Variants in ZFYVE9 observed in about 807,000 individuals in gnomAD.
The protein encoded by ZFYVE9 is zinc finger FYVE-type containing 9, also known as zinc finger FYVE domain-containing protein 9.
In ZFYVE9, 43 loss-of-function variants were observed where a neutral mutation model predicts 126.7. The ratio of observed to expected loss-of-function variants is 0.34; its 90% CI spans 0.27 to 0.44. The LOEUF is 0.44. Ranked by LOEUF, ZFYVE9 falls within the 20% of genes least tolerant of loss-of-function variation. The pLI, the probability that ZFYVE9 is intolerant of heterozygous loss-of-function variation, is 1.00. For synonymous variants in ZFYVE9, 521 were observed against 597.4 expected, an observed-to-expected ratio of 0.87 and a Z score of 1.87; for missense variants, 1,476 against 1,697.0, an observed-to-expected ratio of 0.87 and a Z score of 2.29.
At chr1:52,311,517 A>C (rs1301103855) in intron 13 of ZFYVE9, among the ~76,000 whole-genome samples, 1 of 152,040 alleles carries the variant, frequency 6.6e-6, no homozygotes, top group Non-Finnish European at 1.5e-5. Flanking sequence ...TGTCCGCCTC[A>C]GCCTCCCAAA....
At chr1:52,254,442 CA>C (rs1426800024) in intron 4 of ZFYVE9, among the ~76,000 whole-genome samples, 4 of 150,520 alleles carry the variant, frequency 2.7e-5, no homozygotes, top group Non-Finnish European at 5.9e-5. Flanking sequence ...TAAATCCTAG[CA>C]CTCTGGGAGG....
chr1:52,268,902 A>G (rs1033970999), intron 7 of ZFYVE9, among the ~76,000 whole-genome samples: 2 of 152,162 alleles, frequency 1.3e-5, no homozygotes, highest in African/African-American at 2.4e-5. Context: ...GCTGTGGGGA[A>G]TTCTGTCCCC....
intron 1 of ZFYVE9, among the ~76,000 whole-genome samples, chr1:52,164,724 A>C (rs1033690775): frequency 6.6e-6 from 1 of 152,216 alleles, no homozygotes; most frequent in African/African-American, 2.4e-5. Context: ...TTGAGGCAGA[A>C]AAGGAAATGA....
chr1:52,310,090 G>C (rs1283361340), intron 13 of ZFYVE9, among the ~76,000 whole-genome samples: 3 of 151,858 alleles, frequency 2.0e-5, no homozygotes, highest in African/African-American at 4.8e-5. Context: ...TCCCACCTCA[G>C]CCTCCTGAGT....
chr1:52,274,454 CT>C lies in ZFYVE9; in HGVS notation c.2626-6del. ...CTGTAGTGCTCACTTTGTTGATTTG[CT>C]TTTCCTAGACGGATATTTGTCTATT... On this transcript the variant is annotated splice_polypyrimidine_tract_variant and intron_variant, in intron 7 of 18. Transcript: ENST00000287727. The C allele has an allele frequency of 1.3e-6, 2 of 1,597,426 alleles. No homozygotes were observed. The highest frequency in any genetic ancestry group is 1.7e-6 in the Non-Finnish European group (2 of 1,168,670).
At chr1:52,217,420 C>G (rs924465761) in intron 2 of ZFYVE9, among the ~76,000 whole-genome samples, 1 of 152,200 alleles carries the variant, frequency 6.6e-6, no homozygotes, top group African/African-American at 2.4e-5. Flanking sequence ...ACAATTTCCC[C>G]TCTTCTGTCT....
chr1:52,300,644 G>C (rs76847021), intron 12 of ZFYVE9, among the ~76,000 whole-genome samples: 134 of 149,218 alleles, frequency 9.0e-4, no homozygotes, highest in African/African-American at 3.2e-3. Context: ...GCCATTTCCA[G>C]TGTTTTTCAT....
At chr1:52,163,989 T>C (rs1225195917) in intron 1 of ZFYVE9, among the ~76,000 whole-genome samples, 1 of 152,094 alleles carries the variant, frequency 6.6e-6, no homozygotes, top group Non-Finnish European at 1.5e-5. Flanking sequence ...GGTCTCACTG[T>C]TGCCCAGGCT....
chr1:52,266,589 T>C (rs1192987472), intron 5 of ZFYVE9, 66 bp from the exon 6 acceptor site: 9 of 1,365,038 alleles, frequency 6.6e-6, no homozygotes, highest in African/African-American at 1.5e-5. Flanking sequence ...TTATCCAATA[T>C]TGTGGAGGTC....
intron 1 of ZFYVE9, among the ~76,000 whole-genome samples, chr1:52,201,657 G>A (rs532092586): frequency 6.1e-4 from 93 of 152,018 alleles, no homozygotes; most frequent in African/African-American, 2.1e-3. Flanking sequence ...AGAATTACAG[G>A]CATGAGCCAC....
chr1:52,253,642 C>T lies in ZFYVE9; in HGVS notation c.2179-10131C>T, dbSNP rs75223458. The T allele has an allele frequency of 1.5e-3, 2,227 of 1,485,820 alleles. 28 individuals carry two copies. The African/African-American group carries it at 0.027, about 18-fold the overall frequency. 92.0% of individuals were successfully genotyped at this position (1,485,820 alleles called of 1,614,324 possible). A position where few individuals can be genotyped will look rare whatever the true frequency, so the allele number is the denominator to read the frequency against. The stretch of plus-strand genomic sequence containing the variant: ...AAAAATGACCACACCAAACAAGGCA[C>T]CTCCTGGTACTGACCCTGAGCAGTT... On this transcript the variant is annotated intron_variant, in intron 4 of 18. Transcript: ENST00000287727.
chr1:52,229,647 G>T (rs1252979981), intron 2 of ZFYVE9, among the ~76,000 whole-genome samples: 2 of 152,134 alleles, frequency 1.3e-5, no homozygotes, highest in Admixed American at 6.5e-5. Flanking sequence ...AGCACATCAG[G>T]CTCTATGTGA....
At chr1:52,280,991 C>A (rs993250498) in intron 9 of ZFYVE9, among the ~76,000 whole-genome samples, 4 of 152,054 alleles carry the variant, frequency 2.6e-5, no homozygotes, top group Admixed American at 2.6e-4. Context: ...GTTCTTCAAT[C>A]ACGTTTGGCT....
At chr1:52,279,696 T>G (rs944711546) in intron 9 of ZFYVE9, among the ~76,000 whole-genome samples, 2 of 152,146 alleles carry the variant, frequency 1.3e-5, no homozygotes, top group African/African-American at 4.8e-5. Flanking sequence ...CTTGAACTCC[T>G]GAACTCGAGT....
intron 13 of ZFYVE9, among the ~76,000 whole-genome samples, chr1:52,321,688 A>G (rs1444527159): frequency 6.6e-6 from 1 of 151,904 alleles, no homozygotes; most frequent in Non-Finnish European, 1.5e-5. Flanking sequence ...GTCTCCCAGA[A>G]CTCACAACCT....
At chr1:52,279,266 A>G (rs1245233270) in intron 9 of ZFYVE9, among the ~76,000 whole-genome samples, 1 of 152,214 alleles carries the variant, frequency 6.6e-6, no homozygotes, top group Non-Finnish European at 1.5e-5. Flanking sequence ...AACTGGTGGT[A>G]GATAAATTAT....
At chr1:52,339,160 T>C (rs2147875618) in intron 16 of ZFYVE9, among the ~76,000 whole-genome samples, 1 of 152,352 alleles carries the variant, frequency 6.6e-6, no homozygotes, top group East Asian at 1.9e-4. Flanking sequence ...AGGAAATGAC[T>C]ATCAGAAGTG....
intron 1 of ZFYVE9, among the ~76,000 whole-genome samples, chr1:52,211,185 A>T (rs1645025363): frequency 6.6e-6 from 1 of 152,162 alleles, no homozygotes. Context: ...GAAGTTACAT[A>T]GTTTCCCCTT....
At chr1:52,164,911 T>C (rs1644499098) in intron 1 of ZFYVE9, among the ~76,000 whole-genome samples, 1 of 152,130 alleles carries the variant, frequency 6.6e-6, no homozygotes, top group Admixed American at 6.5e-5. Context: ...AGCAGAATGG[T>C]GTCTGTCAGA....
Sources: allele counts gnomAD v4.1 joint callset (sites outside exome capture counted in the v4.1 genomes callset), GRCh38; gene constraint gnomAD v4.1.1; transcripts MANE v1.5; gene names NCBI Gene and HGNC (gene_info 2026-07-23, HGNC 2026-07-21).